CNTNAP2: variants seen among roughly 807,000 people sequenced by gnomAD.
CNTNAP2 encodes contactin-associated protein-like 2.
A neutral mutation model predicts 155.2 loss-of-function variants in CNTNAP2; 98 were observed. That is an observed-to-expected ratio of 0.63 (90% CI 0.54 to 0.75). CNTNAP2 has a LOEUF of 0.75. CNTNAP2 is among the 30% of genes least tolerant of loss of function. CNTNAP2 has a pLI of 0.00. For synonymous variants in CNTNAP2, 651 were observed against 631.2 expected, an observed-to-expected ratio of 1.03 and a Z score of -0.47; for missense variants, 1,727 against 1,688.1, an observed-to-expected ratio of 1.02 and a Z score of -0.40.
chr7:147,781,342 G>T (rs1797658952), intron 13 of CNTNAP2, among the ~76,000 whole-genome samples: 1 of 152,146 alleles, frequency 6.6e-6, no homozygotes, highest in Non-Finnish European at 1.5e-5. Flanking sequence ...CCTTTTGCCT[G>T]TGGTAATGGC....
chr7:147,484,067 A>G (rs538309672), intron 10 of CNTNAP2, among the ~76,000 whole-genome samples: 6 of 152,246 alleles, frequency 3.9e-5, no homozygotes, highest in Admixed American at 3.3e-4. Flanking sequence ...CCAAATTTCT[A>G]TAGCATTTCG....
At chr7:147,272,004 T>C (rs1804763953) in intron 8 of CNTNAP2, among the ~76,000 whole-genome samples, 1 of 152,110 alleles carries the variant, frequency 6.6e-6, no homozygotes, top group Non-Finnish European at 1.5e-5. Context: ...GCAATTCTCA[T>C]GCCTCAGCCT....
intron 1 of CNTNAP2, among the ~76,000 whole-genome samples, chr7:146,120,300 A>C (rs560485017): frequency 6.8e-4 from 103 of 152,248 alleles, no homozygotes; most frequent in African/African-American, 2.4e-3. Context: ...GGCAAGCAAA[A>C]TTCATTGGTT....
At chr7:148,396,465 TAA>T (rs1251311494) in intron 22 of CNTNAP2, among the ~76,000 whole-genome samples, 1 of 152,158 alleles carries the variant, frequency 6.6e-6, no homozygotes, top group Non-Finnish European at 1.5e-5. Context: ...CGGCCTCATT[TAA>T]AAAGACAATT....
chr7:146,779,242 T>A (rs1250639827), intron 2 of CNTNAP2, among the ~76,000 whole-genome samples: 1 of 152,186 alleles, frequency 6.6e-6, no homozygotes. Flanking sequence ...TAAGTTTTTC[T>A]TCCTAGTTAC....
intron 1 of CNTNAP2, among the ~76,000 whole-genome samples, chr7:146,367,483 A>G (rs1423797590): frequency 2.0e-5 from 3 of 152,170 alleles, no homozygotes; most frequent in Non-Finnish European, 4.4e-5. Flanking sequence ...ACAAAGTGTA[A>G]TGGAAGACAG....
At chr7:147,522,598 G>A (rs1386125260) in intron 11 of CNTNAP2, among the ~76,000 whole-genome samples, 1 of 151,944 alleles carries the variant, frequency 6.6e-6, no homozygotes, top group Non-Finnish European at 1.5e-5. Flanking sequence ...CAAATGGCTT[G>A]GTGGGATAAG....
intron 3 of CNTNAP2, among the ~76,000 whole-genome samples, chr7:146,945,781 G>A (rs1479622712): frequency 1.8e-4 from 28 of 152,226 alleles, no homozygotes. Flanking sequence ...TGTTGGAAAT[G>A]TAAGAAAATG....
chr7:147,204,386 T>G (rs1366362777), intron 8 of CNTNAP2, among the ~76,000 whole-genome samples: 1 of 152,124 alleles, frequency 6.6e-6, no homozygotes, highest in Non-Finnish European at 1.5e-5. Flanking sequence ...AAGGTAAATT[T>G]AGATTATTTG....
intron 1 of CNTNAP2, among the ~76,000 whole-genome samples, chr7:146,292,829 T>C (rs1440674326): frequency 6.6e-6 from 1 of 152,136 alleles, no homozygotes; most frequent in African/African-American, 2.4e-5. Flanking sequence ...AACAGTCAAA[T>C]TGAAAGAAGC....
intron 13 of CNTNAP2, among the ~76,000 whole-genome samples, chr7:147,781,656 T>G (rs1797662966): frequency 6.6e-6 from 1 of 152,196 alleles, no homozygotes; most frequent in African/African-American, 2.4e-5. Flanking sequence ...AGGTTAGAAC[T>G]TAGATTAAAT....
At chr7:147,991,380 C>G (rs929950846) in intron 15 of CNTNAP2, among the ~76,000 whole-genome samples, 2 of 152,040 alleles carry the variant, frequency 1.3e-5, no homozygotes, top group African/African-American at 4.8e-5. Flanking sequence ...GCATGAGGCA[C>G]TTCATGATAA....
At chr7:147,882,079 T>C (rs1473515474) in intron 13 of CNTNAP2, among the ~76,000 whole-genome samples, 2 of 151,854 alleles carry the variant, frequency 1.3e-5, no homozygotes, top group Non-Finnish European at 1.5e-5. Context: ...TTACAATATA[T>C]GCAATGTAAA....
At chr7:148,410,763 C>T (rs554508201) in intron 23 of CNTNAP2, among the ~76,000 whole-genome samples, 188 of 151,916 alleles carry the variant, frequency 1.2e-3, no homozygotes, top group Non-Finnish European at 2.0e-3. Context: ...AAGAAAAACA[C>T]GTAACAGAGA....
At chr7:148,036,484 C>T (rs1802575797) in intron 15 of CNTNAP2, among the ~76,000 whole-genome samples, 1 of 152,056 alleles carries the variant, frequency 6.6e-6, no homozygotes, top group Non-Finnish European at 1.5e-5. Flanking sequence ...TTTGGCCTCT[C>T]TTGCTCTCTC....
intron 13 of CNTNAP2, among the ~76,000 whole-genome samples, chr7:147,899,635 C>A (rs2708266): frequency 0.3 from 46,036 of 151,868 alleles, 7,132 homozygotes; most frequent in Middle Eastern, 0.43. Flanking sequence ...CTGTAATCTT[C>A]GCACTTTGAG....
At chr7:147,513,302 A>T (rs1230170724) in intron 11 of CNTNAP2, among the ~76,000 whole-genome samples, 1 of 151,986 alleles carries the variant, frequency 6.6e-6, no homozygotes, top group Non-Finnish European at 1.5e-5. Flanking sequence ...GCCCGAATGG[A>T]TTATAATCTT....
At chr7:147,039,123 T>C (rs1298968159) in intron 3 of CNTNAP2, among the ~76,000 whole-genome samples, 1 of 152,136 alleles carries the variant, frequency 6.6e-6, no homozygotes, top group Non-Finnish European at 1.5e-5. Flanking sequence ...TATAAAAACA[T>C]ATATAACAAT....
rs578210298 is a variant in CNTNAP2 at position 148,090,271 on chromosome 7, A to AC, written c.2384-27847_2384-27846insC. On this transcript the variant is annotated intron_variant, in intron 15 of 23. Transcript: ENST00000361727. ...TAGACAAATGGAATGACATCAAACT[A>AC]AAAAGCTTCTGCACAACAAAGGAAA... Among the ~76,000 whole-genome samples, 155 of 152,070 alleles carry AC rather than the reference A, an allele frequency of 1.0e-3. 1 individual carries two copies. Among genetic ancestry groups the AC allele is most frequent in the Non-Finnish European group, 1.3e-3 (89 of 67,946 alleles).
Sources: allele counts gnomAD v4.1 joint callset (sites outside exome capture counted in the v4.1 genomes callset), GRCh38; gene constraint gnomAD v4.1.1; transcripts MANE v1.5; gene names NCBI Gene and HGNC (gene_info 2026-07-23, HGNC 2026-07-21).